MTF1: variants seen among roughly 807,000 people sequenced by gnomAD.
MTF1 encodes MRE-binding transcription factor.
Under a neutral mutation model 70.4 loss-of-function variants are expected in MTF1, and 22 were observed. The observed-to-expected ratio is 0.31, with a 90% CI of 0.22 to 0.45. The LOEUF (loss-of-function observed/expected upper bound fraction) is 0.45. Among genes scored for constraint, MTF1 ranks in the 20% least tolerant of loss-of-function variants. The pLI is 1.00. For missense variants in MTF1, 649 were observed against 922.0 expected (o/e 0.70, Z 3.83); for synonymous variants, 333 against 352.8 (o/e 0.94, Z 0.63).
chr1:37,837,674 T>A (rs1641190658), intron 4 of MTF1, among the ~76,000 whole-genome samples: 1 of 152,006 alleles, frequency 6.6e-6, no homozygotes, highest in South Asian at 2.1e-4. Context: ...CCTGGCTGAT[T>A]TTTGTAGTTT....
chr1:37,830,749 C>A (rs1641073743), intron 7 of MTF1, among the ~76,000 whole-genome samples: 2 of 152,224 alleles, frequency 1.3e-5, no homozygotes, highest in African/African-American at 4.8e-5. Flanking sequence ...CCATTAACTT[C>A]ATCTCCCTTG....
chr1:37,854,597 A>T (rs560238392), intron 2 of MTF1, among the ~76,000 whole-genome samples: 1 of 152,228 alleles, frequency 6.6e-6, no homozygotes, highest in Non-Finnish European at 1.5e-5. Context: ...CGCAGTTAAG[A>T]AGCACTACTC....
chr1:37,815,508 CTCT>C lies in MTF1; in HGVS notation c.1887_1889del (p.Glu630del). 6.4e-7 allele frequency: 1 copy of C among 1,553,526 alleles called. No individual in the cohort carries two copies. Among genetic ancestry groups the C allele is most frequent in the Non-Finnish European group, 8.7e-7 (1 of 1,151,804 alleles). On this transcript the variant is annotated inframe_deletion, in exon 11 of 11. Transcript: ENST00000373036. The surrounding 1 kb of genome is among the most constrained non-coding windows in gnomAD (Gnocchi z 4.5). ...GGCATGCACACTGACACTGACATGC[CTCT>C]TCTTGTTTGATGATGATCACAGGAA... is the stretch of plus-strand genomic sequence containing the variant.
At position 37,840,361 on chromosome 1, in the gene MTF1, G is replaced by C; in HGVS notation, c.409-203C>G. On this transcript the variant is annotated intron_variant, in intron 2 of 10. Transcript: ENST00000373036. The surrounding 1 kb of genome is among the most constrained non-coding windows in gnomAD (Gnocchi z 4.5). ...CCTGGACAACACATAATGATTTATGGGGAAGAAATAAGTCTATATGTAGAT... is the reference window on the plus strand; with the variant it reads ...CCTGGACAACACATAATGATTTATGCGGAAGAAATAAGTCTATATGTAGAT... 3.3e-6 allele frequency: 2 copies of C among 603,026 alleles called. No individual in the cohort carries two copies. The highest frequency in any genetic ancestry group is 3.7e-5 in the South Asian group (2 of 53,718). 37.4% of individuals were successfully genotyped at this position (603,026 alleles called of 1,614,324 possible). A position where few individuals can be genotyped will look rare whatever the true frequency, so the allele number is the denominator to read the frequency against.
At chr1:37,852,716 C>T (rs989904122) in intron 2 of MTF1, among the ~76,000 whole-genome samples, 12 of 152,070 alleles carry the variant, frequency 7.9e-5, no homozygotes, top group Non-Finnish European at 1.8e-4. Flanking sequence ...CTGCACCCTC[C>T]GCCCTCTGGG....
chr1:37,844,989 C>G (rs898083271), intron 2 of MTF1, among the ~76,000 whole-genome samples: 1 of 152,188 alleles, frequency 6.6e-6, no homozygotes, highest in African/African-American at 2.4e-5. Flanking sequence ...CAACAGTTAT[C>G]TGAAAAACAA....
chr1:37,824,444 T>A (rs1640970258), intron 7 of MTF1, among the ~76,000 whole-genome samples: 1 of 152,190 alleles, frequency 6.6e-6, no homozygotes, highest in Non-Finnish European at 1.5e-5. Flanking sequence ...ATGCCTGTAA[T>A]CCCAGCACTT....
chr1:37,853,757 G>A (rs1369765643), intron 2 of MTF1, among the ~76,000 whole-genome samples: 1 of 152,184 alleles, frequency 6.6e-6, no homozygotes, highest in Non-Finnish European at 1.5e-5. Flanking sequence ...AATTAAGGGT[G>A]AGCTTCCCTG....
chr1:37,822,717 C>A lies in MTF1; in HGVS notation c.1172-1G>T. On this transcript the variant is annotated splice_acceptor_variant, in intron 8 of 10. Transcript: ENST00000373036. LOFTEE classifies it high-confidence loss of function. Reference sequence around the variant, plus strand: ...CCATTAAAACTTTCAGTCAAGGAAGCTGGCAAGAAAAAGAAATAGAAATAT... The same window carrying A: ...CCATTAAAACTTTCAGTCAAGGAAGATGGCAAGAAAAAGAAATAGAAATAT... 6.2e-7 allele frequency: 1 copy of A among 1,601,808 alleles called. No individual in the cohort carries two copies. The highest frequency in any genetic ancestry group is 8.5e-7 in the Non-Finnish European group (1 of 1,171,736).
intron 3 of MTF1, 132 bp from the exon 4 acceptor site, chr1:37,838,888 T>C: frequency 1.6e-6 from 1 of 629,864 alleles, no homozygotes; most frequent in Non-Finnish European, 2.3e-6. Context: ...CACTGCAACC[T>C]CCTCCTGCTA....
intron 7 of MTF1, chr1:37,828,312 C>A: frequency 2.6e-6 from 1 of 387,270 alleles, no homozygotes; most frequent in Non-Finnish European, 5.0e-6. Context: ...TGTTTGTTTT[C>A]TTTTGTTCTG....
At chr1:37,816,208 C>G (rs1307370730) in intron 10 of MTF1, among the ~76,000 whole-genome samples, 1 of 152,196 alleles carries the variant, frequency 6.6e-6, no homozygotes, top group Non-Finnish European at 1.5e-5. Context: ...CATATTCAGC[C>G]AGGCTTTGTG....
chr1:37,835,598 A>C, intron 5 of MTF1, 73 bp downstream of exon 5: 1 of 1,102,560 alleles, frequency 9.1e-7, no homozygotes, highest in Admixed American at 1.7e-5. Flanking sequence ...CTGTATATCC[A>C]CCTAGCTCTA....
intron 7 of MTF1, among the ~76,000 whole-genome samples, chr1:37,831,354 G>C (rs1303260657): frequency 6.6e-6 from 1 of 152,180 alleles, no homozygotes; most frequent in Non-Finnish European, 1.5e-5. Flanking sequence ...AACTTCAGAA[G>C]TGCTGTAATT....
At chr1:37,859,483 C>T (rs372775100) in intron 1 of MTF1, 48 bp downstream of exon 1, 66 of 398,772 alleles carry the variant, frequency 1.7e-4, no homozygotes, top group East Asian at 1.4e-3. Flanking sequence ...AAGTCCCGCG[C>T]CTCCCGGTAA....
intron 4 of MTF1, among the ~76,000 whole-genome samples, chr1:37,837,327 G>A (rs1254679837): frequency 6.6e-6 from 1 of 152,070 alleles, no homozygotes; most frequent in Non-Finnish European, 1.5e-5. Context: ...AAAGCACTGG[G>A]ATTACAGACA....
intron 9 of MTF1, among the ~76,000 whole-genome samples, chr1:37,820,611 A>G (rs1163632147): frequency 1.3e-5 from 2 of 152,192 alleles, no homozygotes. Context: ...GCTAGGGGAG[A>G]GGGAAGTGGT....
intron 7 of MTF1, among the ~76,000 whole-genome samples, chr1:37,824,398 T>C (rs1305638207): frequency 6.6e-6 from 1 of 152,162 alleles, no homozygotes; most frequent in Non-Finnish European, 1.5e-5. Context: ...AAATCTTACA[T>C]TAAAAAATGA....
intron 2 of MTF1, among the ~76,000 whole-genome samples, chr1:37,848,259 C>G (rs1641362977): frequency 6.6e-6 from 1 of 152,140 alleles, no homozygotes; most frequent in East Asian, 1.9e-4. Context: ...CATGATGCAC[C>G]AGACACTATG....
Sources: allele counts gnomAD v4.1 joint callset (sites outside exome capture counted in the v4.1 genomes callset), GRCh38; gene constraint gnomAD v4.1.1; non-coding constraint Gnocchi (gnomAD v3.1); transcripts MANE v1.5; gene names NCBI Gene and HGNC (gene_info 2026-07-23, HGNC 2026-07-21).